The following HTR2A variants were observed in gnomAD, a reference collection of about 807,000 sequenced individuals.
The protein encoded by HTR2A is 5-hydroxytryptamine receptor 2A.
A neutral mutation model predicts 31.0 loss-of-function variants in HTR2A; 14 were observed. The observed-to-expected ratio is 0.45, with a 90% CI of 0.30 to 0.71. HTR2A has a LOEUF of 0.71. Among genes scored for constraint, HTR2A ranks in the 30% least tolerant of loss-of-function variants. The pLI is 0.09. For synonymous variants in HTR2A, 209 were observed against 225.2 expected (o/e 0.93, Z 0.64); for missense variants, 442 against 573.3 (o/e 0.77, Z 2.34).
intron 3 of HTR2A, among the ~76,000 whole-genome samples, chr13:46,889,685 G>T (rs1238248713): frequency 6.6e-6 from 1 of 152,082 alleles, no homozygotes; most frequent in Non-Finnish European, 1.5e-5. Context: ...AAGCAAACAA[G>T]TTAGATCATA....
chr13:46,897,889 C>T (rs938268220), upstream of HTR2A, among the ~76,000 whole-genome samples: 3 of 152,180 alleles, frequency 2.0e-5, no homozygotes, highest in Non-Finnish European at 2.9e-5. Flanking sequence ...CCTGGGAGAC[C>T]TTGACCTCAG....
At chr13:46,864,749 A>T (rs1950806667) in intron 3 of HTR2A, among the ~76,000 whole-genome samples, 1 of 146,842 alleles carries the variant, frequency 6.8e-6, no homozygotes, top group African/African-American at 2.5e-5. Flanking sequence ...TGGTGCTGTC[A>T]AGTCCTTATG....
rs1264681190 is a variant in HTR2A, at chr13:46,833,635, G to A, written c.*1202C>T. The A allele has an allele frequency of 6.6e-6, 1 of 152,184 alleles. No individual in the cohort carries two copies. Among genetic ancestry groups the A allele is most frequent in the Non-Finnish European group, 1.5e-5 (1 of 68,032 alleles). The allele number at this position is 152,184 out of a possible 1,614,324, so 9.4% of individuals were successfully genotyped here. A position where few individuals can be genotyped will look rare whatever the true frequency, so the allele number is the denominator to read the frequency against. On this transcript the variant is annotated 3_prime_UTR_variant, in exon 4 of 4. Coordinates refer to ENST00000542664, the MANE Select transcript of HTR2A (RefSeq NM_000621.5). ...CCCATCTCAGCCTCCCAAAGTGCTAGGATTACATGCACGAGCCTCCGTGCC... is the reference window on the plus strand; with the variant it reads ...CCCATCTCAGCCTCCCAAAGTGCTAAGATTACATGCACGAGCCTCCGTGCC...
intron 3 of HTR2A, among the ~76,000 whole-genome samples, chr13:46,845,654 A>G (rs918237203): frequency 6.6e-6 from 1 of 151,268 alleles, no homozygotes; most frequent in African/African-American, 2.4e-5. Context: ...AAAAAAAAAA[A>G]AAAAAAGAAA....
At chr13:46,847,621 A>G (rs1296216208) in intron 3 of HTR2A, among the ~76,000 whole-genome samples, 1 of 152,156 alleles carries the variant, frequency 6.6e-6, no homozygotes, top group Non-Finnish European at 1.5e-5. Flanking sequence ...GAGCTTTACA[A>G]ATTTCTTTTG....
At chr13:46,884,608 G>A (rs1335105124) in intron 3 of HTR2A, among the ~76,000 whole-genome samples, 1 of 152,134 alleles carries the variant, frequency 6.6e-6, no homozygotes, top group African/African-American at 2.4e-5. Context: ...AGCTCGCAGT[G>A]AGCCATGATT....
chr13:46,864,606 C>T (rs1950805804), intron 3 of HTR2A, among the ~76,000 whole-genome samples: 1 of 152,174 alleles, frequency 6.6e-6, no homozygotes, highest in African/African-American at 2.4e-5. Context: ...GATCCTCCTC[C>T]TCCAACTTGC....
intron 3 of HTR2A, among the ~76,000 whole-genome samples, chr13:46,843,222 G>A (rs937593236): frequency 6.6e-6 from 1 of 152,136 alleles, no homozygotes; most frequent in African/African-American, 2.4e-5. Context: ...TGTTATAATT[G>A]TTCTATTTTA....
rs1058573 is a variant in HTR2A at position 46,895,971 on chromosome 13, C to T, written c.-65G>A. 1 of 1,535,798 alleles carries T rather than the reference C, an allele frequency of 6.5e-7. No homozygotes were observed. The highest frequency in any genetic ancestry group is 8.7e-7 in the Non-Finnish European group (1 of 1,145,716). On this transcript the variant is annotated 5_prime_UTR_variant, in exon 2 of 4. The change abolishes an upstream ATG in the 5' untranslated region. Transcript: ENST00000542664. This position sits in a 1 kb window ranked among gnomAD's most constrained non-coding sequence, Gnocchi z 4.4. ...CTAACAGGTTATAGTTTCTGCTCAC[C>T]ATTCACCTTGATGTACCCACACTCT...
In HTR2A at chr13:46,883,285, G is replaced by C. The variant is rs551165894; in HGVS notation, c.613+9105C>G. 2.5e-5 allele frequency among the ~76,000 whole-genome samples: 3 copies of C among 118,134 alleles called. No homozygotes were observed. In the South Asian group the frequency reaches 8.4e-4, roughly 33 times the overall value. 77.5% of individuals were successfully genotyped at this position (118,134 alleles called of 152,430 possible). A position where few individuals can be genotyped will look rare whatever the true frequency, so the allele number is the denominator to read the frequency against. On this transcript the variant is annotated intron_variant, in intron 3 of 3. Coordinates refer to ENST00000542664, the MANE Select transcript of HTR2A (RefSeq NM_000621.5). Reference sequence around the variant, plus strand: ...CAGGAAGGTTAGGATTCTATGTAAGGTGTCACAGCTTGAGGGGAATGGCCC... The same window carrying C: ...CAGGAAGGTTAGGATTCTATGTAAGCTGTCACAGCTTGAGGGGAATGGCCC...
intron 3 of HTR2A, among the ~76,000 whole-genome samples, chr13:46,849,146 T>C (rs1014557893): frequency 1.3e-5 from 2 of 152,236 alleles, no homozygotes; most frequent in Admixed American, 1.3e-4. Context: ...TCCTACCATC[T>C]ATCCAGATAC....
chr13:46,845,133 A>G (rs1032252342), intron 3 of HTR2A, among the ~76,000 whole-genome samples: 1 of 152,162 alleles, frequency 6.6e-6, no homozygotes, highest in Non-Finnish European at 1.5e-5. Context: ...AAGATCTTAT[A>G]GGGAAAACAA....
At chr13:46,873,856 G>A (rs1463072456) in intron 3 of HTR2A, among the ~76,000 whole-genome samples, 1 of 152,182 alleles carries the variant, frequency 6.6e-6, no homozygotes, top group African/African-American at 2.4e-5. Flanking sequence ...AAATAGGCAG[G>A]TGAGCAAGTG....
chr13:46,859,363 C>A (rs1950763831), intron 3 of HTR2A, among the ~76,000 whole-genome samples: 1 of 152,130 alleles, frequency 6.6e-6, no homozygotes, highest in Non-Finnish European at 1.5e-5. Context: ...GTCATCCATG[C>A]CATTTCATCA....
At chr13:46,858,373 G>C (rs1950755440) in intron 3 of HTR2A, among the ~76,000 whole-genome samples, 1 of 152,046 alleles carries the variant, frequency 6.6e-6, no homozygotes, top group Admixed American at 6.6e-5. Flanking sequence ...GAGGGGGTGT[G>C]GCAGGAAATG....
At chr13:46,859,514 T>A (rs1335875834) in intron 3 of HTR2A, among the ~76,000 whole-genome samples, 2 of 152,138 alleles carry the variant, frequency 1.3e-5, no homozygotes, top group Non-Finnish European at 2.9e-5. Flanking sequence ...GTGGGGCTGG[T>A]GGGAGGTGAC....
intron 3 of HTR2A, among the ~76,000 whole-genome samples, chr13:46,845,280 C>G (rs1364002738): frequency 6.6e-6 from 1 of 152,116 alleles, no homozygotes; most frequent in Non-Finnish European, 1.5e-5. Context: ...GGGAAAGGCA[C>G]AGGAGCTGAG....
At chr13:46,885,167 T>A (rs1488617435) in intron 3 of HTR2A, among the ~76,000 whole-genome samples, 1 of 152,180 alleles carries the variant, frequency 6.6e-6, no homozygotes, top group Non-Finnish European at 1.5e-5. Flanking sequence ...AAAATAAAGA[T>A]GACTGGACTA....
intron 3 of HTR2A, among the ~76,000 whole-genome samples, chr13:46,869,802 CAGAA>C (rs1449981562): frequency 6.6e-6 from 1 of 152,038 alleles, no homozygotes; most frequent in South Asian, 2.1e-4. Flanking sequence ...ATAAGCCAGA[CAGAA>C]AGAGAATAAA....
Sources: allele counts gnomAD v4.1 joint callset (sites outside exome capture counted in the v4.1 genomes callset), GRCh38; gene constraint gnomAD v4.1.1; non-coding constraint Gnocchi (gnomAD v3.1); transcripts MANE v1.5; gene names NCBI Gene and HGNC (gene_info 2026-07-23, HGNC 2026-07-21).